The following ST18 variants were observed in gnomAD, a reference collection of about 807,000 sequenced individuals.
ST18 encodes the protein suppression of tumorigenicity 18 protein.
Under a neutral mutation model 110.0 loss-of-function variants are expected in ST18, and 50 were observed. The ratio of observed to expected loss-of-function variants is 0.45; its 90% confidence interval spans 0.36 to 0.58. The LOEUF (loss-of-function observed/expected upper bound fraction) is 0.58. Among genes scored for constraint, ST18 ranks in the 20% least tolerant of loss-of-function variants. The pLI, the probability that ST18 is intolerant of heterozygous loss-of-function variation, is 0.00. For synonymous variants in ST18, 461 were observed against 452.4 expected (o/e 1.02, Z -0.24); for missense variants, 1,306 against 1,280.1 (o/e 1.02, Z -0.31).
At chr8:52,254,160 G>T (rs912023256) in intron 2 of ST18, 1 of 152,136 alleles carries the variant, frequency 6.6e-6, no homozygotes, top group Non-Finnish European at 1.5e-5. Context: ...AAAAGTGAAT[G>T]TTATGACTTA....
chr8:52,216,882 C>A lies in ST18; in HGVS notation c.-1+864G>T, dbSNP rs957607365. Among the ~76,000 whole-genome samples the A allele has an allele frequency of 1.5e-4, 23 of 152,230 alleles. 1 individual carries two copies. Among genetic ancestry groups the A allele is most frequent in the Admixed American group, 1.0e-3 (16 of 15,292 alleles). ...CATTAGAAGTGGAAAAAGATTTCCA[C>A]GTCAGTGTGTGTGTTCAGGCCCCTG... On this transcript the variant is annotated intron_variant, in intron 6 of 25. Coordinates refer to ENST00000689386, the MANE Select transcript of ST18 (RefSeq NM_001352837.2).
At chr8:52,404,042 C>A (rs1160791434) in intron 2 of ST18, 3 of 152,074 alleles carry the variant, frequency 2.0e-5, no homozygotes, top group African/African-American at 2.4e-5. Context: ...GGTTTGGCTA[C>A]CAGATAAATC....
chr8:52,202,349 T>C (rs914132356), intron 8 of ST18, among the ~76,000 whole-genome samples: 2 of 152,132 alleles, frequency 1.3e-5, no homozygotes, highest in Non-Finnish European at 2.9e-5. Flanking sequence ...CACTGGTAAA[T>C]AAAATAAATT....
chr8:52,280,955 A>G (rs1427103627), intron 2 of ST18, among the ~76,000 whole-genome samples: 1 of 152,116 alleles, frequency 6.6e-6, no homozygotes, highest in Non-Finnish European at 1.5e-5. Context: ...TAGAAAATAA[A>G]TTTCAAATTA....
intron 22 of ST18, among the ~76,000 whole-genome samples, chr8:52,127,976 T>A (rs1310543524): frequency 2.6e-5 from 2 of 77,754 alleles, no homozygotes; most frequent in Non-Finnish European, 2.2e-5. Context: ...TATTAAGGGA[T>A]TTTTTTTTTT....
At chr8:52,318,376 G>A (rs1589860994) in intron 2 of ST18, among the ~76,000 whole-genome samples, 1 of 152,084 alleles carries the variant, frequency 6.6e-6, no homozygotes, top group South Asian at 2.1e-4. Context: ...GAGAATGGCT[G>A]TTATTAAAAA....
intron 3 of ST18, among the ~76,000 whole-genome samples, chr8:52,227,778 T>C (rs2089985781): frequency 6.6e-6 from 1 of 152,180 alleles, no homozygotes; most frequent in Non-Finnish European, 1.5e-5. Flanking sequence ...AATTCTGTAT[T>C]CCAATAGCGT....
At position 52,132,151 on chromosome 8, in the gene ST18, C is replaced by T. The variant is rs767248874; in HGVS notation, c.2473G>A (p.Gly825Ser). 1 of 1,613,506 alleles carries T rather than the reference C, an allele frequency of 6.2e-7. No homozygotes were observed. The highest frequency in any genetic ancestry group is 1.1e-5 in the South Asian group (1 of 91,046). The change falls in exon 22 of 26, where the codon GGT becomes AGT. Residue 825 changes from glycine (G) to serine (S), a missense_variant. By Grantham distance (56) the Gly-to-Ser change is moderately conservative (BLOSUM62 0). Transcript: ENST00000689386. ...GATGTGTATTTACCTGATATGTGAC[C>T]TTGGCCATCACACCCTATCACAGGA... is the stretch of plus-strand genomic sequence containing the variant. ...KCPVIGCDGQ[G>S]HISGKYTSHR...
At chr8:52,325,990 C>T (rs1431728510) in intron 2 of ST18, among the ~76,000 whole-genome samples, 1 of 152,158 alleles carries the variant, frequency 6.6e-6, no homozygotes, top group African/African-American at 2.4e-5. Context: ...GTAGAGAATA[C>T]CTAGTCATTG....
rs1375801309 is a variant in ST18 at position 52,161,501 on chromosome 8, C to T, written c.1468G>A (p.Val490Met). ...CCAAACTTCTCTTGTTCTTTTGACA[C>T]TGTGGCTCTGGGAGAGGTGATGGCT... ...SQAITSPRAT[V>M]SKEQEKFGKV... The change falls in exon 14 of 26, where the codon GTG becomes ATG. Residue 490 changes from valine to methionine, a missense_variant. Transcript: ENST00000689386. 1 of 1,614,216 alleles carries T rather than the reference C, an allele frequency of 6.2e-7. No homozygotes were observed.
intron 15 of ST18, among the ~76,000 whole-genome samples, chr8:52,150,341 C>A (rs1587006058): frequency 6.6e-6 from 1 of 151,912 alleles, no homozygotes; most frequent in Admixed American, 6.6e-5. Context: ...TTTAAATCTT[C>A]TTTTCTAGTT....
intron 23 of ST18, among the ~76,000 whole-genome samples, chr8:52,120,448 G>A (rs973295550): frequency 7.2e-5 from 11 of 152,192 alleles, no homozygotes; most frequent in African/African-American, 4.8e-5. Context: ...AAGCACAAAG[G>A]GTTCTGGGAG....
At chr8:52,161,653 T>C (rs2061488103) in intron 13 of ST18, 85 bp from the exon 14 acceptor site, 2 of 1,449,564 alleles carry the variant, frequency 1.4e-6, no homozygotes, top group Non-Finnish European at 1.9e-6. Flanking sequence ...AGTAGATACA[T>C]GTGTCACTCC....
In ST18 at chr8:52,149,730, A is replaced by G; in HGVS notation, c.2052+2T>C. 1 of 1,613,062 alleles carries G rather than the reference A, an allele frequency of 6.2e-7. No individual in the cohort carries two copies. Among genetic ancestry groups the G allele is most frequent in the Non-Finnish European group, 8.5e-7 (1 of 1,179,396 alleles). On this transcript the variant is annotated splice_donor_variant, in intron 16 of 25. Transcript: ENST00000689386. LOFTEE classifies it high-confidence loss of function. ...TTATTGATTGACATATGGAAACAAT[A>G]CCTCTTTCTCCTCCTCTGTCTTCCC...
At chr8:52,136,478 G>A (rs2052357935) in intron 19 of ST18, 112 bp downstream of exon 19, 4 of 1,048,752 alleles carry the variant, frequency 3.8e-6, no homozygotes, top group African/African-American at 1.6e-5. Flanking sequence ...CTGTGATCCT[G>A]GCAGGCAGGA....
At chr8:52,294,189 A>G (rs947926157) in intron 2 of ST18, among the ~76,000 whole-genome samples, 9 of 152,198 alleles carry the variant, frequency 5.9e-5, no homozygotes, top group African/African-American at 2.2e-4. Flanking sequence ...TCCACATATC[A>G]TAAGTGGAAG....
chr8:52,206,995 G>A (rs2080314682), intron 8 of ST18, among the ~76,000 whole-genome samples: 3 of 151,866 alleles, frequency 2.0e-5, no homozygotes, highest in Admixed American at 6.6e-5. Context: ...ATCACCTCCA[G>A]GAATCTTTAT....
intron 2 of ST18, among the ~76,000 whole-genome samples, chr8:52,276,257 T>C (rs1243792708): frequency 9.0e-5 from 2 of 22,104 alleles, no homozygotes; most frequent in African/African-American, 3.4e-4. Context: ...TGCATACACA[T>C]ACCACACACC....
At chr8:52,283,734 A>T (rs1344321738) in intron 2 of ST18, among the ~76,000 whole-genome samples, 2 of 152,110 alleles carry the variant, frequency 1.3e-5, no homozygotes, top group Non-Finnish European at 2.9e-5. Context: ...AGGAGTACTG[A>T]CAGTTCTGGC....
Sources: allele counts gnomAD v4.1 joint callset (sites outside exome capture counted in the v4.1 genomes callset), GRCh38; gene constraint gnomAD v4.1.1; transcripts MANE v1.5; gene names NCBI Gene and HGNC (gene_info 2026-07-23, HGNC 2026-07-21).